CEP135: variants seen among roughly 807,000 people sequenced by gnomAD.
CEP135 encodes centrosomal protein 135, also known as centrosomal protein of 135 kDa.
CEP135 carries 142 observed loss-of-function variants against 157.3 expected under a neutral mutation model. That is an observed-to-expected ratio of 0.90 (90% CI 0.79 to 1.04). The LOEUF (loss-of-function observed/expected upper bound fraction) is 1.04, where lower values mean the gene tolerates loss of function less well. CEP135 is among the 50% of genes least tolerant of loss of function. The pLI, the probability that CEP135 is intolerant of heterozygous loss-of-function variation, is 0.00. For missense variants in CEP135, 1,317 were observed against 1,309.2 expected (o/e 1.01, Z -0.09); for synonymous variants, 396 against 439.8 (o/e 0.90, Z 1.25).
intron 1 of CEP135, among the ~76,000 whole-genome samples, chr4:55,951,445 T>C (rs1437543639): frequency 2.0e-5 from 3 of 152,144 alleles, no homozygotes; most frequent in Admixed American, 6.5e-5. Context: ...TGGGAGAAAA[T>C]GTACCTTGTT....
Position 56,015,699 on chromosome 4 carries a change from A to G in CEP135, c.2803-1949A>G, listed in dbSNP as rs554022208. Among the ~76,000 whole-genome samples, 23 of 152,274 alleles carry G rather than the reference A, an allele frequency of 1.5e-4. No homozygotes were observed. In the East Asian group the frequency reaches 2.5e-3, roughly 17 times the overall value. ...GCCTATCCCACCATTTTATTTTGGAAGCAGTTTACTTGTTTTCCAGTGTCA... is the reference window on the plus strand; with the variant it reads ...GCCTATCCCACCATTTTATTTTGGAGGCAGTTTACTTGTTTTCCAGTGTCA... On this transcript the variant is annotated intron_variant, in intron 21 of 25. Transcript: ENST00000257287.
In CEP135 at chr4:55,954,620, T is replaced by C. The variant is rs560177815; in HGVS notation, c.472+237T>C. On this transcript the variant is annotated intron_variant, in intron 4 of 25. Transcript: ENST00000257287. ...TACTTAGATACTAGTCTAACTTTAA[T>C]GCCCAGAGCTTTCTCTAATCAATAT... Among the ~76,000 whole-genome samples, 4 of 152,350 alleles carry C rather than the reference T, an allele frequency of 2.6e-5. No individual in the cohort carries two copies. The East Asian group carries it at 5.8e-4, about 22-fold the overall frequency.
chr4:56,007,310 A>G (rs760779007), intron 17 of CEP135, among the ~76,000 whole-genome samples: 5 of 152,210 alleles, frequency 3.3e-5, no homozygotes, highest in Non-Finnish European at 7.3e-5. Flanking sequence ...GATGGTGGCT[A>G]AAGCCCAAGT....
chr4:55,977,782 G>A (rs913316558), intron 11 of CEP135, among the ~76,000 whole-genome samples: 4 of 152,154 alleles, frequency 2.6e-5, no homozygotes, highest in African/African-American at 9.7e-5. Context: ...CATTCCTCCA[G>A]ACTAACTGAA....
intron 15 of CEP135, among the ~76,000 whole-genome samples, chr4:55,993,961 C>T (rs922254860): frequency 1.3e-5 from 2 of 152,150 alleles, no homozygotes; most frequent in African/African-American, 4.8e-5. Flanking sequence ...GGGGATATGG[C>T]ATTATTTTAT....
chr4:56,017,765 T>G lies in CEP135; in HGVS notation c.2920T>G (p.Leu974Val). Residue 974 changes from leucine (L) to valine (V), a missense_variant, in exon 22 of 26, where the codon TTG becomes GTG. Coordinates refer to ENST00000257287, the MANE Select transcript of CEP135 (RefSeq NM_025009.5). ...EDEKATVLND[L>V]SSLRELCIKL... ...TGAGAAAGCAACAGTATTAAATGAC[T>G]TGTCATCTCTTAGAGAACTTTGCAT... is the stretch of plus-strand genomic sequence containing the variant. 3 of 1,613,968 alleles carry G rather than the reference T, an allele frequency of 1.9e-6. No individual in the cohort carries two copies. Among genetic ancestry groups the G allele is most frequent in the Non-Finnish European group, 2.5e-6 (3 of 1,179,980 alleles).
chr4:56,010,176 C>A (rs548025005), intron 19 of CEP135, among the ~76,000 whole-genome samples: 180 of 21,088 alleles, frequency 8.5e-3, no homozygotes, highest in East Asian at 0.067. Flanking sequence ...ATTGTGAAAA[C>A]CCCCCCCCCA....
intron 21 of CEP135, 53 bp downstream of exon 21, chr4:56,012,038 T>G: frequency 9.8e-7 from 1 of 1,025,444 alleles, no homozygotes; most frequent in Non-Finnish European, 1.3e-6. Flanking sequence ...CAGAAAACAT[T>G]CAAAGATACT....
intron 9 of CEP135, among the ~76,000 whole-genome samples, chr4:55,970,962 C>G (rs1729009164): frequency 6.6e-6 from 1 of 152,034 alleles, no homozygotes; most frequent in Admixed American, 6.5e-5. Context: ...CTCTCTTAAA[C>G]ATGAAAAAGC....
intron 11 of CEP135, among the ~76,000 whole-genome samples, chr4:55,978,982 C>A (rs527497686): frequency 1.7e-3 from 256 of 152,294 alleles, no homozygotes; most frequent in Non-Finnish European, 2.3e-3. Context: ...TAACTAATCC[C>A]ATCCATCATG....
chr4:56,024,238 A>C (rs1731076665), intron 24 of CEP135, among the ~76,000 whole-genome samples: 1 of 149,742 alleles, frequency 6.7e-6, no homozygotes, highest in African/African-American at 2.4e-5. Context: ...AAGAATATGC[A>C]CTATAAGAGA....
Position 55,999,287 on chromosome 4 carries a change from C to G in CEP135, c.2010-15C>G, listed in dbSNP as rs774459536. On this transcript the variant is annotated splice_polypyrimidine_tract_variant and intron_variant, in intron 15 of 25. Transcript: ENST00000257287. ...GATAAAGAATACCATTTGTTTTTGTCCATTGATTCTTTAGGATAGTGAATG... is the reference window on the plus strand; with the variant it reads ...GATAAAGAATACCATTTGTTTTTGTGCATTGATTCTTTAGGATAGTGAATG... 1.3e-6 allele frequency: 2 copies of G among 1,570,006 alleles called. No individual in the cohort carries two copies. The highest frequency in any genetic ancestry group is 2.7e-5 in the African/African-American group (2 of 73,516).
intron 14 of CEP135, among the ~76,000 whole-genome samples, chr4:55,989,985 C>T (rs1477814975): frequency 1.3e-5 from 2 of 152,184 alleles, no homozygotes; most frequent in Non-Finnish European, 2.9e-5. Context: ...GTTTTTGCAG[C>T]ATGGTTTTGC....
intron 18 of CEP135, among the ~76,000 whole-genome samples, chr4:56,008,751 T>G (rs1450099725): frequency 6.6e-6 from 1 of 152,228 alleles, no homozygotes; most frequent in Non-Finnish European, 1.5e-5. Context: ...ATTTTACATT[T>G]TATGTATAGT....
intron 21 of CEP135, among the ~76,000 whole-genome samples, chr4:56,013,902 A>G (rs544930650): frequency 6.6e-6 from 1 of 152,332 alleles, no homozygotes; most frequent in Non-Finnish European, 1.5e-5. Context: ...CCCTAAGACC[A>G]ATGGACTGAT....
intron 25 of CEP135, among the ~76,000 whole-genome samples, chr4:56,025,188 C>T (rs1731115372): frequency 6.6e-6 from 1 of 152,120 alleles, no homozygotes; most frequent in South Asian, 2.1e-4. Context: ...ACTATCTTGC[C>T]TGGGCTGGCC....
chr4:55,985,899 C>G (rs1458876918), intron 14 of CEP135, among the ~76,000 whole-genome samples: 2 of 152,086 alleles, frequency 1.3e-5, no homozygotes, highest in African/African-American at 4.8e-5. Flanking sequence ...ATGATGACAC[C>G]ACTGCACTCC....
At chr4:56,002,228 C>G (rs1730199320) in intron 17 of CEP135, among the ~76,000 whole-genome samples, 1 of 151,834 alleles carries the variant, frequency 6.6e-6, no homozygotes, top group South Asian at 2.1e-4. Context: ...TTTGGATGCC[C>G]TTTTTTTCTT....
chr4:56,013,966 C>T (rs13121634), intron 21 of CEP135, among the ~76,000 whole-genome samples: 30,989 of 151,956 alleles, frequency 0.2, 3,442 homozygotes, highest in Non-Finnish European at 0.26. Context: ...GAGAACACCA[C>T]GTAAAGATGG....
Sources: gnomAD v4.1 joint callset for allele counts (sites outside exome capture counted in the v4.1 genomes callset) on GRCh38, gnomAD v4.1.1 for gene constraint, MANE v1.5 for transcripts, NCBI Gene and HGNC (gene_info 2026-07-23, HGNC 2026-07-21) for gene names.